Variants in GRIK2 observed in about 807,000 individuals in gnomAD.
GRIK2 encodes the protein glutamate receptor ionotropic, kainate 2.
A neutral mutation model predicts 100.3 loss-of-function variants in GRIK2; 32 were observed. The observed-to-expected ratio is 0.32, with a 90% CI of 0.24 to 0.43. The LOEUF (loss-of-function observed/expected upper bound fraction) is 0.43. Among genes scored for constraint, GRIK2 ranks in the 20% least tolerant of loss-of-function variants. The pLI, the probability that GRIK2 is intolerant of heterozygous loss-of-function variation, is 1.00. For synonymous variants in GRIK2, 417 were observed against 389.4 expected (o/e 1.07, Z -0.83); for missense variants, 843 against 1,114.9 (o/e 0.76, Z 3.47).
chr6:101,959,833 T>C (rs988376), intron 14 of GRIK2, among the ~76,000 whole-genome samples: 78,311 of 151,720 alleles, frequency 0.52, 20,797 homozygotes, highest in African/African-American at 0.65. Context: ...TAACTATATG[T>C]GATAATGAGT....
At chr6:101,446,793 C>G (rs1028789732) in intron 2 of GRIK2, among the ~76,000 whole-genome samples, 14 of 74,862 alleles carry the variant, frequency 1.9e-4, no homozygotes, top group African/African-American at 7.3e-4. Context: ...ACTCTATACA[C>G]ATGGCTTTGT....
intron 12 of GRIK2, among the ~76,000 whole-genome samples, chr6:101,913,148 A>C (rs955794423): frequency 7.3e-5 from 11 of 151,568 alleles, no homozygotes; most frequent in Admixed American, 1.3e-4. Context: ...CTCTTTGTCC[A>C]AAGTGTCCAA....
chr6:101,520,654 C>T (rs985516699), intron 2 of GRIK2, among the ~76,000 whole-genome samples: 15 of 151,896 alleles, frequency 9.9e-5, no homozygotes, highest in African/African-American at 2.2e-4. Flanking sequence ...CATTGTGCGG[C>T]GACTTCTTTC....
chr6:101,859,725 G>T (rs190234391), intron 11 of GRIK2, among the ~76,000 whole-genome samples: 6 of 152,162 alleles, frequency 3.9e-5, no homozygotes, highest in Admixed American at 3.9e-4. Flanking sequence ...CTGAGAGATG[G>T]AACATTATCT....
At chr6:101,428,075 GT>G (rs1769146866) in intron 2 of GRIK2, among the ~76,000 whole-genome samples, 1 of 152,130 alleles carries the variant, frequency 6.6e-6, no homozygotes, top group Non-Finnish European at 1.5e-5. Flanking sequence ...TAATATCTGT[GT>G]TTGAATTACA....
At position 102,055,326 on chromosome 6, in the gene GRIK2, T is replaced by C. The variant is rs1771412769; in HGVS notation, c.2312-4T>C. 2 of 1,605,486 alleles carry C rather than the reference T, an allele frequency of 1.2e-6. No homozygotes were observed. Among genetic ancestry groups the C allele is most frequent in the African/African-American group, 1.3e-5 (1 of 74,700 alleles). On this transcript the variant is annotated splice_region_variant and splice_polypyrimidine_tract_variant and intron_variant, in intron 15 of 16. Coordinates refer to ENST00000369134, the MANE Select transcript of GRIK2 (RefSeq NM_021956.5). ...AATACTTAACATAACCTCTCCTTTC[T>C]TAGGTTCTCCATATCGAGACAAAAT...
At chr6:102,006,841 T>G (rs1795268047) in intron 14 of GRIK2, among the ~76,000 whole-genome samples, 1 of 152,140 alleles carries the variant, frequency 6.6e-6, no homozygotes, top group African/African-American at 2.4e-5. Flanking sequence ...TATTGTTTGA[T>G]ATTACTATCA....
chr6:102,065,711 T>A, intron 16 of GRIK2: 1 of 763,306 alleles, frequency 1.3e-6, no homozygotes, highest in Non-Finnish European at 2.1e-6. Context: ...ATGTTACACG[T>A]CCTATAACAA....
intron 14 of GRIK2, among the ~76,000 whole-genome samples, chr6:101,989,719 C>A (rs71566388): frequency 6.6e-6 from 1 of 151,334 alleles, no homozygotes; most frequent in Non-Finnish European, 1.5e-5. Context: ...CACCATGGAG[C>A]TAAAAAGTTT....
At chr6:101,768,751 G>T (rs1778196356) in intron 7 of GRIK2, among the ~76,000 whole-genome samples, 3 of 152,008 alleles carry the variant, frequency 2.0e-5, no homozygotes, top group Non-Finnish European at 2.9e-5. Context: ...TAATAGCCTG[G>T]GTTTAGATTT....
At chr6:101,990,036 G>A (rs983618837) in intron 14 of GRIK2, among the ~76,000 whole-genome samples, 3 of 151,602 alleles carry the variant, frequency 2.0e-5, no homozygotes, top group Non-Finnish European at 3.0e-5. Context: ...TAGTTGCTCT[G>A]AAACTGTCAT....
At chr6:101,865,561 C>T (rs1784997461) in intron 11 of GRIK2, among the ~76,000 whole-genome samples, 1 of 152,074 alleles carries the variant, frequency 6.6e-6, no homozygotes, top group Non-Finnish European at 1.5e-5. Context: ...AATTTTGCAT[C>T]CTAGTTGAGG....
intron 7 of GRIK2, among the ~76,000 whole-genome samples, chr6:101,699,281 C>T (rs1772712902): frequency 6.6e-6 from 1 of 152,090 alleles, no homozygotes; most frequent in Non-Finnish European, 1.5e-5. Context: ...CAATTGTCTC[C>T]TCACATCCTG....
At chr6:101,499,143 T>G (rs1172750160) in intron 2 of GRIK2, among the ~76,000 whole-genome samples, 3 of 152,182 alleles carry the variant, frequency 2.0e-5, no homozygotes, top group Non-Finnish European at 2.9e-5. Flanking sequence ...GATTAAAGAC[T>G]TAAACGTTAG....
chr6:101,744,570 T>G lies in GRIK2; in HGVS notation c.952-55078T>G, dbSNP rs1356604688. On this transcript the variant is annotated intron_variant, in intron 7 of 16. Coordinates refer to ENST00000369134, the MANE Select transcript of GRIK2 (RefSeq NM_021956.5). ...TATATATATATATATCACAATTTCT[T>G]TTTCTTTTTCTTTTTTTTTTTTTTT... is the stretch of plus-strand genomic sequence containing the variant. The G allele has an allele frequency of 5.4e-5, 6 of 111,506 alleles. No individual in the cohort carries two copies. The East Asian group carries it at 1.4e-3, about 27-fold the overall frequency. 6.9% of individuals were successfully genotyped at this position (111,506 alleles called of 1,614,324 possible).
chr6:101,556,336 T>TA lies in GRIK2; in HGVS notation c.116-65613_116-65612insA, dbSNP rs1776744393. On this transcript the variant is annotated intron_variant, in intron 2 of 16. Coordinates refer to ENST00000369134, the MANE Select transcript of GRIK2 (RefSeq NM_021956.5). ...TATATTGGTAATTTTTTTTTTTTTT[T>TA]TTTTTTTTTTTTTTTTGAGACCGAG... is the stretch of plus-strand genomic sequence containing the variant. 6.5e-5 allele frequency among the ~76,000 whole-genome samples: 5 copies of TA among 76,388 alleles called. 1 individual carries two copies. The highest frequency in any genetic ancestry group is 1.0e-4 in the Non-Finnish European group (4 of 38,970). 50.1% of individuals were successfully genotyped at this position (76,388 alleles called of 152,430 possible).
At chr6:102,067,972 C>T (rs1209032730) in intron 16 of GRIK2, among the ~76,000 whole-genome samples, 2 of 151,718 alleles carry the variant, frequency 1.3e-5, no homozygotes, top group Non-Finnish European at 2.9e-5. Flanking sequence ...TTTTTTGTAT[C>T]AAGAATGGGT....
intron 12 of GRIK2, among the ~76,000 whole-genome samples, chr6:101,895,876 C>T (rs572253539): frequency 4.0e-5 from 6 of 151,410 alleles, no homozygotes; most frequent in Non-Finnish European, 7.4e-5. Context: ...GTTTTAAATA[C>T]GTGCTGTTCT....
At chr6:101,699,428 A>G (rs1772725769) in intron 7 of GRIK2, among the ~76,000 whole-genome samples, 1 of 152,100 alleles carries the variant, frequency 6.6e-6, no homozygotes, top group South Asian at 2.1e-4. Context: ...TGGCTGAGTT[A>G]GGACCCCCAT....
Sources: gnomAD v4.1 joint callset for allele counts (sites outside exome capture counted in the v4.1 genomes callset) on GRCh38, gnomAD v4.1.1 for gene constraint, MANE v1.5 for transcripts, NCBI Gene and HGNC (gene_info 2026-07-23, HGNC 2026-07-21) for gene names.